Variants in HDAC9 observed in about 807,000 individuals in gnomAD.
HDAC9 encodes histone deacetylase 9.
HDAC9 carries 41 observed loss-of-function variants against 139.4 expected under a neutral mutation model. That is an observed-to-expected ratio of 0.29 (90% confidence interval 0.23 to 0.38). The LOEUF (loss-of-function observed/expected upper bound fraction) is 0.38. HDAC9 is among the 10% of genes least tolerant of loss of function. The pLI is 1.00. For synonymous variants in HDAC9, 517 were observed against 476.2 expected, an observed-to-expected ratio of 1.09 and a Z score of -1.12; for missense variants, 1,147 against 1,297.0, an observed-to-expected ratio of 0.88 and a Z score of 1.78.
intron 1 of HDAC9, among the ~76,000 whole-genome samples, chr7:18,425,586 A>G (rs1027323989): frequency 1.3e-5 from 2 of 152,220 alleles, no homozygotes; most frequent in Admixed American, 6.5e-5. Flanking sequence ...AGTCTTACAC[A>G]TGGCTCCAGA....
At position 18,648,511 on chromosome 7, in the gene HDAC9, G is replaced by T. The variant is rs759341420; in HGVS notation, c.1295G>T (p.Arg432Ile). Residue 432 changes from arginine to isoleucine, a missense_variant, in exon 11 of 26, where the codon AGA becomes ATA. Around this residue, in one of 7 missense-constraint regions of HDAC9, gnomAD observed 264 missense variants for 273.8 expected, o/e 0.96. Coordinates refer to ENST00000686413, the MANE Select transcript of HDAC9 (RefSeq NM_178425.4). The stretch of plus-strand genomic sequence containing the variant: ...CAGTCTCCCTTGGCAACAAAAGAGA[G>T]AATTTCACCTGGCATTAGAGGTACC... Reference protein sequence around the residue: ...HPQSPLATKERISPGIRGTHK... With the variant: ...HPQSPLATKEIISPGIRGTHK... The T allele has an allele frequency of 6.2e-7, 1 of 1,613,394 alleles. No homozygotes were observed. Among genetic ancestry groups the T allele is most frequent in the Non-Finnish European group, 8.5e-7 (1 of 1,179,718 alleles).
In HDAC9 at chr7:18,933,869, A is replaced by G. The variant is rs1276552105; in HGVS notation, c.2804-1940A>G. 2.0e-5 allele frequency among the ~76,000 whole-genome samples: 3 copies of G among 152,180 alleles called. No individual in the cohort carries two copies. In the East Asian group the frequency reaches 5.8e-4, roughly 29 times the overall value. ...TGGAATTCTAGAGTTAAATAATACA[A>G]TCACAGAAATGAAAATATCACTAAA... On this transcript the variant is annotated intron_variant, in intron 22 of 25. Transcript: ENST00000686413.
rs151308577 is a variant in HDAC9, at chr7:18,404,182, G to A, written c.-41-92080G>A. 6.3e-3 allele frequency among the ~76,000 whole-genome samples: 955 copies of A among 152,030 alleles called. 13 individuals are homozygous for A. Among genetic ancestry groups the A allele is most frequent in the African/African-American group, 0.022 (920 of 41,380 alleles). On this transcript the variant is annotated intron_variant, in intron 1 of 3. Transcript: ENST00000413509. ...CATATAAAAATACAAATATAATGTC[G>A]TGTAATGCAATGATGTTATATTCAT... is the stretch of plus-strand genomic sequence containing the variant.
chr7:18,187,664 G>C (rs1451952648), intron 2 of HDAC9, among the ~76,000 whole-genome samples: 1 of 152,124 alleles, frequency 6.6e-6, no homozygotes, highest in East Asian at 1.9e-4. Context: ...CTTAGAACTA[G>C]TCTACTTTCC....
rs546352550 is a variant in HDAC9 at position 18,754,459 on chromosome 7, C to T, written c.2043+5321C>T. Among the ~76,000 whole-genome samples, 5 of 152,196 alleles carry T rather than the reference C, an allele frequency of 3.3e-5. No homozygotes were observed. In the South Asian group the frequency reaches 8.3e-4, roughly 25 times the overall value. On this transcript the variant is annotated intron_variant, in intron 14 of 25. Transcript: ENST00000686413. ...GCTCATGACTCCCAGCCCCACCAAG[C>T]CACCCACAGACATTTGCTTGCTCTC...
chr7:18,356,579 T>G (rs1285748555), intron 1 of HDAC9, among the ~76,000 whole-genome samples: 1 of 152,068 alleles, frequency 6.6e-6, no homozygotes, highest in Admixed American at 6.6e-5. Flanking sequence ...GAAAGATCTT[T>G]CAGCTCTCTC....
At chr7:18,700,944 C>A (rs1418469490) in intron 12 of HDAC9, among the ~76,000 whole-genome samples, 1 of 152,178 alleles carries the variant, frequency 6.6e-6, no homozygotes, top group Non-Finnish European at 1.5e-5. Flanking sequence ...GAGGGAGCTA[C>A]TTAAAAGCTT....
At chr7:18,962,951 A>C (rs1783619143) in intron 24 of HDAC9, among the ~76,000 whole-genome samples, 1 of 152,142 alleles carries the variant, frequency 6.6e-6, no homozygotes, top group Non-Finnish European at 1.5e-5. Context: ...TGTGATGTCA[A>C]AGCCCACTTT....
intron 1 of HDAC9, among the ~76,000 whole-genome samples, chr7:18,364,394 T>A (rs1784018756): frequency 6.6e-6 from 1 of 151,966 alleles, no homozygotes; most frequent in South Asian, 2.1e-4. Flanking sequence ...GTATTAACAT[T>A]AGAAATAAAC....
chr7:18,595,494 A>G (rs1832217282), intron 6 of HDAC9, among the ~76,000 whole-genome samples: 1 of 152,078 alleles, frequency 6.6e-6, no homozygotes, highest in Non-Finnish European at 1.5e-5. Context: ...CAGGCTTGAC[A>G]TTTATTTGTG....
chr7:18,143,093 T>A (rs1003314311), intron 1 of HDAC9, among the ~76,000 whole-genome samples: 5 of 152,200 alleles, frequency 3.3e-5, no homozygotes, highest in Admixed American at 3.3e-4. Flanking sequence ...CCCTGCTGCT[T>A]CATCACCTAA....
Position 18,473,776 on chromosome 7 carries a change from A to G in HDAC9, c.-41-22486A>G, listed in dbSNP as rs74517188. On this transcript the variant is annotated intron_variant, in intron 1 of 3. Coordinates refer to the HDAC9 transcript ENST00000413509. ...CTTGTTATGTTTTCCGTAAAGCTTC[A>G]TGCTGATGGATCAACCTGTTGGTGA... is the stretch of plus-strand genomic sequence containing the variant. 7.4e-4 allele frequency among the ~76,000 whole-genome samples: 112 copies of G among 152,356 alleles called. No individual in the cohort carries two copies. The East Asian group carries it at 0.018, about 25-fold the overall frequency.
chr7:18,166,715 C>T (rs1230282021), intron 2 of HDAC9, among the ~76,000 whole-genome samples: 1 of 152,116 alleles, frequency 6.6e-6, no homozygotes, highest in Non-Finnish European at 1.5e-5. Flanking sequence ...AGGCCTGCCC[C>T]TGTTTTTAAA....
At chr7:18,415,047 CGAATTTTACA>C (rs1788920878) in intron 1 of HDAC9, among the ~76,000 whole-genome samples, 1 of 152,072 alleles carries the variant, frequency 6.6e-6, no homozygotes, top group African/African-American at 2.4e-5. Context: ...AATATTTTCC[CGAATTTTACA>C]GATGAGAAAG....
intron 1 of HDAC9, among the ~76,000 whole-genome samples, chr7:18,419,358 C>G (rs1352898095): frequency 6.6e-6 from 1 of 152,116 alleles, no homozygotes; most frequent in Admixed American, 6.6e-5. Flanking sequence ...TATTCTTTTA[C>G]AAATGAAGAA....
intron 1 of HDAC9, among the ~76,000 whole-genome samples, chr7:18,351,407 T>C (rs965965542): frequency 4.6e-5 from 7 of 152,152 alleles, no homozygotes; most frequent in African/African-American, 1.7e-4. Flanking sequence ...TTTTAATATT[T>C]TTTAAGTTTC....
intron 2 of HDAC9, among the ~76,000 whole-genome samples, chr7:18,510,484 T>C (rs775354316): frequency 1.3e-5 from 2 of 152,166 alleles, no homozygotes; most frequent in Non-Finnish European, 2.9e-5. Context: ...TCCTATGTTT[T>C]TATGTAGAGA....
Position 18,375,281 on chromosome 7 carries a change from C to T in HDAC9, c.-42+84766C>T, listed in dbSNP as rs1028841496. ...GTTCAGGAGTTTGAGACCAGCCTGA[C>T]CAACATGGTGAAACCCCATCTCTAC... On this transcript the variant is annotated intron_variant, in intron 1 of 3. Coordinates refer to the HDAC9 transcript ENST00000413509. Among the ~76,000 whole-genome samples, 10 of 152,200 alleles carry T rather than the reference C, an allele frequency of 6.6e-5. No individual in the cohort carries two copies. The South Asian group carries it at 1.0e-3, about 16-fold the overall frequency.
In HDAC9 at chr7:18,982,886, G is replaced by A. The variant is rs575049572; in HGVS notation, c.3170+6933G>A. Among the ~76,000 whole-genome samples, 170 of 152,130 alleles carry A rather than the reference G, an allele frequency of 1.1e-3. 2 individuals are homozygous for A. Among genetic ancestry groups the A allele is most frequent in the Admixed American group, 4.6e-3 (70 of 15,274 alleles). On this transcript the variant is annotated intron_variant, in intron 25 of 25. Coordinates refer to ENST00000686413, the MANE Select transcript of HDAC9 (RefSeq NM_178425.4). ...CTAATTTGTTTATCCGTATACCTAC[G>A]GATGGATGTTTGGCTTGCTTACACT...
Sources: allele counts gnomAD v4.1 joint callset (sites outside exome capture counted in the v4.1 genomes callset), GRCh38; gene constraint gnomAD v4.1.1; regional missense constraint gnomAD v4.1.1; transcripts MANE v1.5; gene names NCBI Gene and HGNC (gene_info 2026-07-23, HGNC 2026-07-21).